Variants in SHANK2 observed in about 807,000 individuals in gnomAD.
SHANK2 encodes SH3 and multiple ankyrin repeat domains protein 2.
A neutral mutation model predicts 133.7 loss-of-function variants in SHANK2; 43 were observed. The observed-to-expected ratio is 0.32, with a 90% CI of 0.25 to 0.41. SHANK2 has a LOEUF of 0.41. Among genes scored for constraint, SHANK2 ranks in the 10% least tolerant of loss-of-function variants. The probability of loss-of-function intolerance (pLI) is 1.00; values close to 1 mark genes in which losing one functional copy is unlikely to be tolerated. For missense variants in SHANK2, 1,994 were observed against 2,235.8 expected, an observed-to-expected ratio of 0.89 and a Z score of 2.18; for synonymous variants, 1,017 against 952.8, an observed-to-expected ratio of 1.07 and a Z score of -1.24.
intron 8 of SHANK2, among the ~76,000 whole-genome samples, chr11:71,085,911 TA>T (rs1419807614): frequency 0.99 from 33,983 of 34,202 alleles, 16,883 homozygotes; most frequent in Middle Eastern, 1. Flanking sequence ...AATTATATAT[TA>T]ATATAACATA....
intron 11 of SHANK2, among the ~76,000 whole-genome samples, chr11:70,874,725 C>T (rs1175308913): frequency 1.3e-5 from 2 of 151,004 alleles, no homozygotes; most frequent in Non-Finnish European, 1.5e-5. Flanking sequence ...ACATCCACTG[C>T]CGTTTCAAAT....
intron 10 of SHANK2, among the ~76,000 whole-genome samples, chr11:70,899,337 G>A (rs1344686064): frequency 1.3e-5 from 2 of 152,136 alleles, no homozygotes; most frequent in Non-Finnish European, 2.9e-5. Flanking sequence ...TCTCTCTCCT[G>A]CCACCCTGTG....
intron 11 of SHANK2, among the ~76,000 whole-genome samples, chr11:70,852,395 C>T (rs1949099772): frequency 6.6e-6 from 1 of 152,180 alleles, no homozygotes. Context: ...ACGGGGCCTG[C>T]AAAGGGTGTT....
intron 17 of SHANK2, among the ~76,000 whole-genome samples, chr11:70,624,328 C>T (rs1254951517): frequency 6.6e-6 from 1 of 152,050 alleles, no homozygotes; most frequent in African/African-American, 2.4e-5. Flanking sequence ...CCCAGCCAAT[C>T]CCCTGGTTCC....
At chr11:70,901,110 A>T (rs1266296927) in intron 10 of SHANK2, among the ~76,000 whole-genome samples, 1 of 152,152 alleles carries the variant, frequency 6.6e-6, no homozygotes, top group Non-Finnish European at 1.5e-5. Context: ...TCTACTCGAC[A>T]GAGGGGGAAA....
chr11:70,678,532 C>CTTTTTTTTTTTTT (rs34446408), intron 15 of SHANK2, among the ~76,000 whole-genome samples: 3 of 77,070 alleles, frequency 3.9e-5, no homozygotes, highest in African/African-American at 1.5e-4. Flanking sequence ...TAAGAACAGG[C>CTTTTTTTTTTTTT]TTTTTTTTTT....
At chr11:70,559,913 C>T (rs1249166433) in intron 17 of SHANK2, among the ~76,000 whole-genome samples, 2 of 151,880 alleles carry the variant, frequency 1.3e-5, no homozygotes, top group African/African-American at 4.8e-5. Flanking sequence ...ACTCTGTTGC[C>T]CAGGCTGGAG....
intron 6 of SHANK2, among the ~76,000 whole-genome samples, chr11:71,095,178 G>A (rs1951585986): frequency 6.6e-6 from 1 of 152,202 alleles, no homozygotes; most frequent in Admixed American, 6.5e-5. Context: ...TGAAGTCCGT[G>A]CCCCCTGGAG....
chr11:70,691,391 T>C (rs998144226), intron 15 of SHANK2, among the ~76,000 whole-genome samples: 2 of 151,952 alleles, frequency 1.3e-5, no homozygotes, highest in Non-Finnish European at 2.9e-5. Flanking sequence ...TCCATCACAA[T>C]AGAGACCACA....
intron 14 of SHANK2, 151 bp from the exon 15 acceptor site, chr11:70,698,914 T>G (rs1945459119): frequency 1.4e-6 from 1 of 690,840 alleles, no homozygotes; most frequent in African/African-American, 1.8e-5. Flanking sequence ...AAATGAGGCC[T>G]GGTTCTGGGG....
At chr11:70,618,016 G>T (rs1554996606) in intron 17 of SHANK2, among the ~76,000 whole-genome samples, 1 of 152,168 alleles carries the variant, frequency 6.6e-6, no homozygotes, top group Non-Finnish European at 1.5e-5. Flanking sequence ...GTTTGATTCA[G>T]GCTGGGCACA....
At chr11:71,079,258 A>T (rs1260547085) in intron 8 of SHANK2, among the ~76,000 whole-genome samples, 1 of 152,224 alleles carries the variant, frequency 6.6e-6, no homozygotes, top group African/African-American at 2.4e-5. Context: ...AGTCACAGCC[A>T]TAGGAATTAA....
At chr11:70,926,253 A>G (rs1426034147) in intron 10 of SHANK2, among the ~76,000 whole-genome samples, 2 of 151,972 alleles carry the variant, frequency 1.3e-5, no homozygotes, top group African/African-American at 2.4e-5. Flanking sequence ...ACAAAATACC[A>G]AACAAAAATT....
chr11:70,827,803 CTT>C (rs1555057497), intron 11 of SHANK2, among the ~76,000 whole-genome samples: 2 of 151,980 alleles, frequency 1.3e-5, no homozygotes, highest in African/African-American at 4.8e-5. Context: ...GGTTGACACA[CTT>C]TGTGTCAATA....
intron 17 of SHANK2, among the ~76,000 whole-genome samples, chr11:70,506,532 C>G (rs1554968426): frequency 2.0e-5 from 3 of 152,206 alleles, no homozygotes. Context: ...AGGGGTGGAG[C>G]TAGGTTTGGA....
intron 10 of SHANK2, among the ~76,000 whole-genome samples, chr11:70,898,441 G>C (rs752255198): frequency 4.1e-4 from 62 of 152,166 alleles, no homozygotes; most frequent in Admixed American, 1.4e-3. Context: ...GAAGAGTTTT[G>C]AGGTGCATGC....
At chr11:70,545,006 C>T (rs564198422) in intron 17 of SHANK2, among the ~76,000 whole-genome samples, 1 of 152,278 alleles carries the variant, frequency 6.6e-6, no homozygotes, top group East Asian at 1.9e-4. Context: ...GAGCTTCTCT[C>T]ACATGCCAAG....
chr11:70,823,841 T>C (rs1555056673), intron 11 of SHANK2, among the ~76,000 whole-genome samples: 1 of 148,902 alleles, frequency 6.7e-6, no homozygotes. Context: ...GAGGTGGCGT[T>C]GACAGAGCTC....
chr11:71,190,302 A>G (rs1555115159), intron 2 of SHANK2, among the ~76,000 whole-genome samples: 1 of 152,226 alleles, frequency 6.6e-6, no homozygotes, highest in Non-Finnish European at 1.5e-5. Flanking sequence ...CAGCAGCTTC[A>G]GAAGGCTTTC....
Sources: allele counts gnomAD v4.1 joint callset (sites outside exome capture counted in the v4.1 genomes callset), GRCh38; gene constraint gnomAD v4.1.1; transcripts MANE v1.5; gene names NCBI Gene and HGNC (gene_info 2026-07-23, HGNC 2026-07-21).